Variants in RNF220 observed in about 807,000 individuals in gnomAD.
RNF220 encodes the protein ring finger protein 220, also known as E3 ubiquitin-protein ligase RNF220.
A neutral mutation model predicts 67.1 loss-of-function variants in RNF220; 7 were observed. The ratio of observed to expected loss-of-function variants is 0.10; its 90% CI spans 0.06 to 0.20. RNF220 has a LOEUF of 0.20. Ranked by LOEUF, RNF220 falls within the 10% of genes least tolerant of loss-of-function variation. The probability of loss-of-function intolerance (pLI) is 1.00; values close to 1 mark genes in which losing one functional copy is unlikely to be tolerated. For synonymous variants in RNF220, 270 were observed against 283.2 expected (o/e 0.95, Z 0.47); for missense variants, 565 against 740.3 (o/e 0.76, Z 2.75).
intron 2 of RNF220, among the ~76,000 whole-genome samples, chr1:44,519,077 G>A (rs548716007): frequency 5.3e-5 from 8 of 152,058 alleles, no homozygotes; most frequent in Non-Finnish European, 7.4e-5. Flanking sequence ...CATTCACTGA[G>A]GTAGATGAGG....
intron 2 of RNF220, among the ~76,000 whole-genome samples, chr1:44,458,465 T>G (rs1653425246): frequency 6.6e-6 from 1 of 152,074 alleles, no homozygotes; most frequent in Admixed American, 6.6e-5. Flanking sequence ...GTGCCTCAGT[T>G]TCCTCAGTAA....
chr1:44,595,384 C>G (rs1194960820), intron 2 of RNF220, among the ~76,000 whole-genome samples: 2 of 152,214 alleles, frequency 1.3e-5, no homozygotes, highest in Non-Finnish European at 2.9e-5. Context: ...TCTGGCCCAG[C>G]CAGTCCTGCA....
Position 44,649,500 on chromosome 1 carries a change from G to A in RNF220, c.1446-161G>A. ...TAGAGAGGGTGAGGAGTTTAGTTCT[G>A]GAATGTGGAATTTGCAGATTCAGGT... is the stretch of plus-strand genomic sequence containing the variant. On this transcript the variant is annotated intron_variant, in intron 12 of 14. Transcript: ENST00000361799. This position sits in a 1 kb window ranked among gnomAD's most constrained non-coding sequence, Gnocchi z 5.9. The A allele has an allele frequency of 1.5e-6, 1 of 657,208 alleles. No individual in the cohort carries two copies. Among genetic ancestry groups the A allele is most frequent in the Admixed American group, 2.5e-5 (1 of 39,482 alleles). The allele number at this position is 657,208 out of a possible 1,614,324, so 40.7% of individuals were successfully genotyped here.
chr1:44,405,752 T>C (rs922316783), intron 1 of RNF220, among the ~76,000 whole-genome samples: 2 of 148,146 alleles, frequency 1.4e-5, no homozygotes, highest in Non-Finnish European at 3.0e-5. Flanking sequence ...CTCCGTGCGC[T>C]GCCTCGCTCA....
At chr1:44,439,032 G>A (rs1651280655) in intron 2 of RNF220, among the ~76,000 whole-genome samples, 1 of 152,110 alleles carries the variant, frequency 6.6e-6, no homozygotes, top group Non-Finnish European at 1.5e-5. Flanking sequence ...GATGTTTCCA[G>A]CTTTTCAATA....
intron 2 of RNF220, among the ~76,000 whole-genome samples, chr1:44,449,403 G>A (rs1248517049): frequency 1.3e-5 from 2 of 151,976 alleles, no homozygotes; most frequent in African/African-American, 2.4e-5. Flanking sequence ...CTCAGCTAAA[G>A]AGTTAGCAAA....
At position 44,405,430 on chromosome 1, in the gene RNF220, C is replaced by A; in HGVS notation, c.-218C>A. Reference sequence around the variant, plus strand: ...CCGCCGCCGCCGCCGCTGCCTCCGCCGGCTCTGCGAACCCGGGACTTTTCA... The same window carrying A: ...CCGCCGCCGCCGCCGCTGCCTCCGCAGGCTCTGCGAACCCGGGACTTTTCA... On this transcript the variant is annotated 5_prime_UTR_variant, in exon 1 of 15. Transcript: ENST00000361799. 1.6e-6 allele frequency: 1 copy of A among 629,932 alleles called. No individual in the cohort carries two copies. The allele number at this position is 629,932 out of a possible 1,614,324, so 39.0% of individuals were successfully genotyped here. A position where few individuals can be genotyped will look rare whatever the true frequency, so the allele number is the denominator to read the frequency against.
intron 2 of RNF220, among the ~76,000 whole-genome samples, chr1:44,518,545 C>T (rs995019861): frequency 3.3e-5 from 5 of 152,024 alleles, no homozygotes; most frequent in South Asian, 2.1e-4. Flanking sequence ...GCATGGTATT[C>T]CTGGAGTTTG....
chr1:44,582,866 A>G (rs1442022719), intron 2 of RNF220, among the ~76,000 whole-genome samples: 1 of 151,940 alleles, frequency 6.6e-6, no homozygotes, highest in African/African-American at 2.4e-5. Flanking sequence ...TCTACTAAAA[A>G]TACCAAAAAT....
At chr1:44,631,952 G>A in intron 5 of RNF220, 1 of 991,440 alleles carries the variant, frequency 1.0e-6, no homozygotes, top group Non-Finnish European at 1.2e-6. Context: ...GCGCGACGGC[G>A]GCAGATCACG....
At chr1:44,423,795 CA>C in intron 2 of RNF220, 1 of 977,964 alleles carries the variant, frequency 1.0e-6, no homozygotes, top group Non-Finnish European at 1.2e-6. Flanking sequence ...AGTTTCTTGG[CA>C]AAGTTTCCTC....
Position 44,650,567 on chromosome 1 carries a change from T to G in RNF220, c.1630-137T>G, listed in dbSNP as rs909101593. 12 of 874,702 alleles carry G rather than the reference T, an allele frequency of 1.4e-5. No homozygotes were observed. The highest frequency in any genetic ancestry group is 2.6e-5 in the East Asian group (1 of 37,998). 54.2% of individuals were successfully genotyped at this position (874,702 alleles called of 1,614,324 possible). ...CCTGCCTGCTCACAGAAGCTGCCTA[T>G]GCGTCCCCAGCCTGGGCTGACAGGA... On this transcript the variant is annotated intron_variant, in intron 14 of 14. Transcript: ENST00000361799. This position sits in a 1 kb window ranked among gnomAD's most constrained non-coding sequence, Gnocchi z 4.3.
At chr1:44,497,871 C>T (rs1287562837) in intron 2 of RNF220, among the ~76,000 whole-genome samples, 1 of 152,238 alleles carries the variant, frequency 6.6e-6, no homozygotes, top group Non-Finnish European at 1.5e-5. Flanking sequence ...AATCTTTCTG[C>T]AAAGGTAATT....
At chr1:44,404,860 G>A (rs1647217255), upstream of RNF220, among the ~76,000 whole-genome samples, 1 of 152,162 alleles carries the variant, frequency 6.6e-6, no homozygotes, top group Non-Finnish European at 1.5e-5. Context: ...AGGGACCCAG[G>A]ATTTGGGGGT....
intron 2 of RNF220, among the ~76,000 whole-genome samples, chr1:44,416,655 G>A (rs571555901): frequency 7.2e-5 from 11 of 152,334 alleles, no homozygotes; most frequent in South Asian, 6.2e-4. Flanking sequence ...CGCGTGGAGC[G>A]GCGACTGGCC....
In RNF220 at chr1:44,420,304, TTTGAGTGTGA is replaced by T. The variant is rs1289845907; in HGVS notation, c.625+7583_625+7592del. Among the ~76,000 whole-genome samples, 87 of 152,276 alleles carry T rather than the reference TTTGAGTGTGA, an allele frequency of 5.7e-4. 1 individual carries two copies. Among genetic ancestry groups the T allele is most frequent in the African/African-American group, 2.1e-3 (87 of 41,552 alleles). On this transcript the variant is annotated intron_variant, in intron 2 of 14. Transcript: ENST00000361799. ...CTTATGAGAAATCCAGCCCAGTAAG[TTTGAGTGTGA>T]CTTACCAGGCAAGAGTTGTCTTTTT...
rs150689798 is a variant in RNF220 at position 44,606,485 on chromosome 1, T to C, written c.626-7680T>C. 2.0e-5 allele frequency among the ~76,000 whole-genome samples: 3 copies of C among 152,220 alleles called. No individual in the cohort carries two copies. Among genetic ancestry groups the C allele is most frequent in the African/African-American group, 7.2e-5 (3 of 41,470 alleles). ...GTAGATGGTTGTGCTATGTATAAGA[T>C]GAGTGGATGGGATGCTTTTCATGCC... On this transcript the variant is annotated intron_variant, in intron 2 of 14. Coordinates refer to ENST00000361799, the MANE Select transcript of RNF220 (RefSeq NM_018150.4). This position sits in a 1 kb window ranked among gnomAD's most constrained non-coding sequence, Gnocchi z 4.2.
At chr1:44,496,764 T>G (rs563356981) in intron 2 of RNF220, among the ~76,000 whole-genome samples, 1 of 152,272 alleles carries the variant, frequency 6.6e-6, no homozygotes, top group Admixed American at 6.5e-5. Context: ...CCCCCAGCAC[T>G]GAAACAGCCT....
intron 2 of RNF220, among the ~76,000 whole-genome samples, chr1:44,483,161 G>A (rs1216409067): frequency 1.3e-5 from 2 of 151,952 alleles, no homozygotes; most frequent in Non-Finnish European, 2.9e-5. Context: ...AAACTCCTGG[G>A]TTCAAGCCAT....
Sources: gnomAD v4.1 joint callset for allele counts (sites outside exome capture counted in the v4.1 genomes callset) on GRCh38, gnomAD v4.1.1 for gene constraint, Gnocchi (gnomAD v3.1) non-coding constraint, MANE v1.5 for transcripts, NCBI Gene and HGNC (gene_info 2026-07-23, HGNC 2026-07-21) for gene names.